LAMA2: variants seen among roughly 807,000 people sequenced by gnomAD.
LAMA2 encodes laminin subunit alpha-2.
Under a neutral mutation model 364.8 loss-of-function variants are expected in LAMA2, and 269 were observed. The observed-to-expected ratio is 0.74, with a 90% CI of 0.67 to 0.82. LAMA2 has a LOEUF of 0.82. LAMA2 is among the 40% of genes least tolerant of loss of function. LAMA2 has a pLI of 0.00. For synonymous variants in LAMA2, 1,379 were observed against 1,370.6 expected (o/e 1.01, Z -0.14); for missense variants, 3,807 against 3,873.2 (o/e 0.98, Z 0.45).
At chr6:129,250,685 C>T (rs1228449804) in intron 13 of LAMA2, among the ~76,000 whole-genome samples, 1 of 152,076 alleles carries the variant, frequency 6.6e-6, no homozygotes, top group Admixed American at 6.6e-5. Flanking sequence ...GGAGAAACTG[C>T]TTTCAAGATT....
intron 1 of LAMA2, among the ~76,000 whole-genome samples, chr6:129,028,349 G>T (rs1785979876): frequency 6.6e-6 from 1 of 151,528 alleles, no homozygotes; most frequent in African/African-American, 2.4e-5. Flanking sequence ...ACTTTTTTGG[G>T]TCCAGCATTA....
chr6:129,266,201 A>C (rs898791457), intron 15 of LAMA2, among the ~76,000 whole-genome samples: 1 of 152,126 alleles, frequency 6.6e-6, no homozygotes. Flanking sequence ...GAGGGTGATC[A>C]TAAGCTCTTA....
chr6:129,267,003 T>C (rs903785050), intron 15 of LAMA2, 103 bp from the exon 16 acceptor site: 4 of 801,030 alleles, frequency 5.0e-6, no homozygotes, highest in East Asian at 2.4e-5. Context: ...TTTGATGAGT[T>C]TCCTACCTGT....
intron 61 of LAMA2, among the ~76,000 whole-genome samples, chr6:129,506,637 G>A (rs1333811275): frequency 4.0e-5 from 6 of 151,840 alleles, no homozygotes; most frequent in East Asian, 1.9e-4. Context: ...AGAGAAGCAC[G>A]GGGGATTGAT....
intron 9 of LAMA2, among the ~76,000 whole-genome samples, chr6:129,174,077 ATTCT>A (rs1450521062): frequency 6.6e-6 from 1 of 152,090 alleles, no homozygotes; most frequent in Non-Finnish European, 1.5e-5. Context: ...TTCAGGTAAA[ATTCT>A]TTACTTATAA....
intron 4 of LAMA2, among the ~76,000 whole-genome samples, chr6:129,140,163 C>T (rs1175482319): frequency 2.6e-5 from 4 of 152,026 alleles, no homozygotes; most frequent in Non-Finnish European, 5.9e-5. Context: ...TTATTTTAGG[C>T]ACAAATCATT....
chr6:129,064,955 A>G (rs376757561), intron 3 of LAMA2, among the ~76,000 whole-genome samples: 5 of 152,208 alleles, frequency 3.3e-5, no homozygotes, highest in African/African-American at 1.2e-4. Flanking sequence ...AGACACTGCA[A>G]GAAAAGTACA....
chr6:129,343,409 C>T (rs1409875678), intron 30 of LAMA2, among the ~76,000 whole-genome samples: 3 of 152,168 alleles, frequency 2.0e-5, no homozygotes, highest in East Asian at 3.9e-4. Context: ...TCTGAAAGCT[C>T]CTCTTTTTTG....
At chr6:129,158,302 C>T (rs1407353224) in intron 8 of LAMA2, 1 of 1,613,966 alleles carries the variant, frequency 6.2e-7, no homozygotes. Context: ...ATTTCTGTTT[C>T]TCGAAACCAG....
intron 1 of LAMA2, among the ~76,000 whole-genome samples, chr6:128,973,276 C>A (rs1782307447): frequency 6.6e-6 from 1 of 152,110 alleles, no homozygotes; most frequent in Non-Finnish European, 1.5e-5. Flanking sequence ...ATTTTTTTTA[C>A]TGTGCAATTT....
At chr6:129,019,762 C>T (rs772752002) in intron 1 of LAMA2, among the ~76,000 whole-genome samples, 1 of 152,118 alleles carries the variant, frequency 6.6e-6, no homozygotes, top group Non-Finnish European at 1.5e-5. Flanking sequence ...CCTAAAATGG[C>T]CTGATTGAGG....
chr6:129,345,765 T>A (rs796937006), intron 30 of LAMA2, among the ~76,000 whole-genome samples: 13 of 152,206 alleles, frequency 8.5e-5, no homozygotes, highest in African/African-American at 3.1e-4. Context: ...AGAAAAAAAA[T>A]TTTAGCCAAA....
intron 32 of LAMA2, among the ~76,000 whole-genome samples, chr6:129,355,774 T>C (rs1474187434): frequency 6.6e-6 from 1 of 152,148 alleles, no homozygotes; most frequent in Non-Finnish European, 1.5e-5. Context: ...CAAGAGTTAA[T>C]TTTGCTTCCT....
intron 9 of LAMA2, among the ~76,000 whole-genome samples, chr6:129,175,308 G>T (rs987745539): frequency 1.3e-5 from 2 of 152,092 alleles, no homozygotes; most frequent in African/African-American, 4.8e-5. Flanking sequence ...CCATGCCTTA[G>T]TTACCTCATC....
intron 32 of LAMA2, among the ~76,000 whole-genome samples, chr6:129,358,995 G>A (rs1353700645): frequency 6.6e-6 from 1 of 151,824 alleles, no homozygotes; most frequent in Non-Finnish European, 1.5e-5. Context: ...CTCTGGTTGT[G>A]ACTATTTTTC....
At chr6:129,509,922 T>C (rs1016620549) in intron 62 of LAMA2, among the ~76,000 whole-genome samples, 1 of 152,194 alleles carries the variant, frequency 6.6e-6, no homozygotes, top group African/African-American at 2.4e-5. Flanking sequence ...AATCTGCAGA[T>C]TGCTCTGGGT....
chr6:129,507,395 A>G, intron 61 of LAMA2, 94 bp from the exon 62 acceptor site: 1 of 1,317,920 alleles, frequency 7.6e-7, no homozygotes, highest in Non-Finnish European at 1.1e-6. Flanking sequence ...CTGGATAACT[A>G]CACACATAGA....
intron 47 of LAMA2, 148 bp from the exon 48 acceptor site, chr6:129,456,187 G>A (rs1222055944): frequency 1.6e-5 from 12 of 764,996 alleles, no homozygotes; most frequent in Non-Finnish European, 2.3e-6. Flanking sequence ...AATTTGGAAT[G>A]TTAGAAACTA....
At chr6:129,054,947 TTCTG>T (rs1252565572) in intron 2 of LAMA2, among the ~76,000 whole-genome samples, 1 of 150,252 alleles carries the variant, frequency 6.7e-6, no homozygotes, top group Admixed American at 6.6e-5. Flanking sequence ...CCAAAAGCTA[TTCTG>T]TCTTTCACCC....
Sources: allele counts gnomAD v4.1 joint callset (sites outside exome capture counted in the v4.1 genomes callset), GRCh38; gene constraint gnomAD v4.1.1; transcripts MANE v1.5; gene names NCBI Gene and HGNC (gene_info 2026-07-23, HGNC 2026-07-21).